C18orf63: variants seen among roughly 807,000 people sequenced by gnomAD.
C18orf63 encodes chromosome 18 open reading frame 63.
C18orf63 carries 50 observed loss-of-function variants against 75.3 expected under a neutral mutation model. The ratio of observed to expected loss-of-function variants is 0.66; its 90% confidence interval spans 0.53 to 0.84. C18orf63 has a LOEUF of 0.84. Among genes scored for constraint, C18orf63 ranks in the 40% least tolerant of loss-of-function variants. The pLI is 0.00. For missense variants in C18orf63, 732 were observed against 800.2 expected, an observed-to-expected ratio of 0.91 and a Z score of 1.03; for synonymous variants, 232 against 267.6, an observed-to-expected ratio of 0.87 and a Z score of 1.30.
chr18:74,354,312 C>A, intron 12 of C18orf63, 44 bp downstream of exon 12: 1 of 1,419,956 alleles, frequency 7.0e-7, no homozygotes, highest in Non-Finnish European at 9.3e-7. Context: ...TATGCTAGAC[C>A]CTTAAAACCC....
chr18:74,317,817 G>A lies in C18orf63; in HGVS notation c.-32-17G>A, dbSNP rs1254247224. On this transcript the variant is annotated splice_polypyrimidine_tract_variant and intron_variant, in intron 1 of 13. Coordinates refer to ENST00000579455, the MANE Select transcript of C18orf63 (RefSeq NM_001174123.2). Reference sequence around the variant, plus strand: ...GTAAGATAATTTACTACCTTTTTTTGCTGTTTATTTTTAAAGGCCTGATTG... The same window carrying A: ...GTAAGATAATTTACTACCTTTTTTTACTGTTTATTTTTAAAGGCCTGATTG... The A allele has an allele frequency of 7.0e-7, 1 of 1,433,898 alleles. No homozygotes were observed. The allele number at this position is 1,433,898 out of a possible 1,614,324, so 88.8% of individuals were successfully genotyped here.
intron 8 of C18orf63, among the ~76,000 whole-genome samples, chr18:74,339,344 C>T (rs990590983): frequency 6.6e-6 from 1 of 152,078 alleles, no homozygotes; most frequent in Admixed American, 6.5e-5. Flanking sequence ...GTTTGACTCT[C>T]TTTACAGACT....
chr18:74,321,918 C>A (rs1454719915), intron 3 of C18orf63, among the ~76,000 whole-genome samples: 1 of 152,098 alleles, frequency 6.6e-6, no homozygotes, highest in Non-Finnish European at 1.5e-5. Context: ...CTTTAACAAC[C>A]TTTCCTGGAT....
intron 7 of C18orf63, among the ~76,000 whole-genome samples, chr18:74,337,712 T>A (rs1984415275): frequency 6.6e-6 from 1 of 152,188 alleles, no homozygotes. Context: ...GTGTCCTTGC[T>A]CTTTTACCTC....
At chr18:74,349,127 A>G (rs907515987) in intron 11 of C18orf63, among the ~76,000 whole-genome samples, 2 of 152,240 alleles carry the variant, frequency 1.3e-5, no homozygotes, top group South Asian at 4.1e-4. Context: ...TACAGTTTAT[A>G]GAACCCAAGG....
chr18:74,333,591 G>A (rs527731886), intron 7 of C18orf63, among the ~76,000 whole-genome samples: 3 of 152,262 alleles, frequency 2.0e-5, no homozygotes, highest in Middle Eastern at 3.4e-3. Context: ...ATCAGATCTC[G>A]TGAGAACACA....
At position 74,357,677 on chromosome 18, in the gene C18orf63, A is replaced by AAC. The variant is rs140837178; in HGVS notation, c.*1232_*1233dup. ...ACCATTGCAATTAAAAGCAAAAGTA[A>AAC]ACAAACTCTCCTTCAAACGTTAAAT... On this transcript the variant is annotated 3_prime_UTR_variant, in exon 14 of 14. Coordinates refer to ENST00000579455, the MANE Select transcript of C18orf63 (RefSeq NM_001174123.2). 0.52 allele frequency: 79,176 copies of AAC among 151,806 alleles called. 21,157 individuals carry two copies. Among genetic ancestry groups the AAC allele is most frequent in the Middle Eastern group, 0.6 (175 of 294 alleles). The allele number at this position is 151,806 out of a possible 1,614,324, so 9.4% of individuals were successfully genotyped here.
At chr18:74,328,112 T>C (rs1187834470) in intron 5 of C18orf63, 54 bp downstream of exon 5, 2 of 1,017,622 alleles carry the variant, frequency 2.0e-6, no homozygotes, top group Non-Finnish European at 3.0e-6. Context: ...ACGTCTGTTA[T>C]GTGTGTATTA....
At chr18:74,353,101 A>AT in intron 11 of C18orf63, 145 bp from the exon 12 acceptor site, 1 of 632,524 alleles carries the variant, frequency 1.6e-6, no homozygotes, top group East Asian at 2.8e-5. Context: ...CAGAAGGCTC[A>AT]TTTTTATTTT....
At chr18:74,335,624 T>C (rs1984378811) in intron 7 of C18orf63, among the ~76,000 whole-genome samples, 1 of 152,168 alleles carries the variant, frequency 6.6e-6, no homozygotes, top group South Asian at 2.1e-4. Flanking sequence ...TATGTAATAT[T>C]AAACTGTTTG....
rs750002646 is a variant in C18orf63, at chr18:74,322,763, TA to T, written c.270+15del. The T allele has an allele frequency of 2.5e-5, 29 of 1,169,200 alleles. No individual in the cohort carries two copies. In the East Asian group the frequency reaches 5.0e-4, roughly 20 times the overall value. 72.4% of individuals were successfully genotyped at this position (1,169,200 alleles called of 1,614,324 possible). A position where few individuals can be genotyped will look rare whatever the true frequency, so the allele number is the denominator to read the frequency against. On this transcript the variant is annotated intron_variant, in intron 4 of 13. Coordinates refer to ENST00000579455, the MANE Select transcript of C18orf63 (RefSeq NM_001174123.2). ...AAAAATATGGAGCTAAGGTAAGTGT[TA>T]AAAAATGATATTAATACCATATGTT... is the stretch of plus-strand genomic sequence containing the variant.
chr18:74,338,968 G>A (rs1023079435), intron 8 of C18orf63, 144 bp downstream of exon 8: 1 of 394,952 alleles, frequency 2.5e-6, no homozygotes, highest in Non-Finnish European at 4.5e-6. Flanking sequence ...CAAAGGTATT[G>A]AAACAATATT....
rs1156481161 is a variant in C18orf63, at chr18:74,354,467, C to T, written c.2012C>T (p.Ser671Leu). ...TTCAATCTAATACAGATACTTGACT[C>T]GGATAAATCAAAACTTAAGAAATCT... ...SSSSKKQILDSDKSKLKKSLI... is the reference protein window; with the variant it reads ...SSSSKKQILDLDKSKLKKSLI... Residue 671 changes from serine (S) to leucine (L), a missense_variant, in exon 13 of 14, where the codon TCG becomes TTG. Ser to Leu is a moderately radical substitution (Grantham distance 145, BLOSUM62 -2). Transcript: ENST00000579455. The T allele has an allele frequency of 8.1e-6, 12 of 1,474,198 alleles. No individual in the cohort carries two copies. Among genetic ancestry groups the T allele is most frequent in the African/African-American group, 2.8e-5 (2 of 71,434 alleles). 91.3% of individuals were successfully genotyped at this position (1,474,198 alleles called of 1,614,324 possible).
chr18:74,346,689 T>A (rs1410737217), intron 11 of C18orf63, among the ~76,000 whole-genome samples: 4 of 152,216 alleles, frequency 2.6e-5, no homozygotes, highest in Non-Finnish European at 5.9e-5. Flanking sequence ...TTCCAGCCCA[T>A]GTCTGTTTTA....
intron 10 of C18orf63, 69 bp downstream of exon 10, chr18:74,342,395 T>C: frequency 1.1e-6 from 1 of 891,998 alleles, no homozygotes; most frequent in South Asian, 1.5e-5. Flanking sequence ...GCTCCCACTC[T>C]CATGTCATAC....
At chr18:74,324,859 CCTT>C (rs1984182645) in intron 4 of C18orf63, among the ~76,000 whole-genome samples, 2 of 152,154 alleles carry the variant, frequency 1.3e-5, no homozygotes, top group Non-Finnish European at 2.9e-5. Context: ...ATTTTTGTTA[CCTT>C]CACTAGACTT....
intron 8 of C18orf63, among the ~76,000 whole-genome samples, chr18:74,341,127 A>G (rs1341266688): frequency 4.0e-5 from 6 of 151,224 alleles, no homozygotes; most frequent in African/African-American, 1.2e-4. Context: ...AGCCGGGCGT[A>G]GTGGTGGGCG....
Position 74,317,980 on chromosome 18 carries a change from A to G in C18orf63, c.115A>G (p.Ile39Val). The G allele has an allele frequency of 6.6e-7, 1 of 1,504,286 alleles. No homozygotes were observed. The highest frequency in any genetic ancestry group is 8.9e-7 in the Non-Finnish European group (1 of 1,129,778). 93.2% of individuals were successfully genotyped at this position (1,504,286 alleles called of 1,614,324 possible). A position where few individuals can be genotyped will look rare whatever the true frequency, so the allele number is the denominator to read the frequency against. The change falls in exon 2 of 14, where the codon ATA becomes GTA. Residue 39 changes from isoleucine (I) to valine (V), a missense_variant. By Grantham distance (29) the Ile-to-Val change is conservative (BLOSUM62 3). Coordinates refer to ENST00000579455, the MANE Select transcript of C18orf63 (RefSeq NM_001174123.2). ...NKVADTEIRTIQMKMCRQLLF... is the reference protein window; with the variant it reads ...NKVADTEIRTVQMKMCRQLLF... ...GGTGGCAGATACTGAGATTAGGACT[A>G]TACAAATGAAGATGTGCAGGTAAAA... is the stretch of plus-strand genomic sequence containing the variant.
At chr18:74,335,701 G>A (rs773062133) in intron 7 of C18orf63, among the ~76,000 whole-genome samples, 13 of 152,134 alleles carry the variant, frequency 8.5e-5, no homozygotes, top group Non-Finnish European at 1.3e-4. Flanking sequence ...TATTTATTTC[G>A]TAGATGGATA....
Sources: gnomAD v4.1 joint callset for allele counts (sites outside exome capture counted in the v4.1 genomes callset) on GRCh38, gnomAD v4.1.1 for gene constraint, MANE v1.5 for transcripts, NCBI Gene and HGNC (gene_info 2026-07-23, HGNC 2026-07-21) for gene names.